Variants in CSGALNACT1 observed in about 807,000 individuals in gnomAD.
CSGALNACT1 encodes beta4GalNAcT-1.
A neutral mutation model predicts 51.0 loss-of-function variants in CSGALNACT1; 52 were observed. That is an observed-to-expected ratio of 1.02 (90% CI 0.82 to 1.29). CSGALNACT1 has a LOEUF of 1.29. CSGALNACT1 is among the 50% of genes most tolerant of loss of function. The probability of loss-of-function intolerance (pLI) is 0.00; values close to 1 mark genes in which losing one functional copy is unlikely to be tolerated. For synonymous variants in CSGALNACT1, 341 were observed against 254.4 expected (o/e 1.34, Z -3.24); for missense variants, 935 against 679.2 (o/e 1.38, Z -4.19).
chr8:19,437,039 A>T (rs1333774674), intron 6 of CSGALNACT1, among the ~76,000 whole-genome samples: 3 of 152,198 alleles, frequency 2.0e-5, no homozygotes, highest in Non-Finnish European at 4.4e-5. Flanking sequence ...TTAAGGAGTC[A>T]TGAGACACAG....
At chr8:19,730,939 G>C (rs2063657543) in intron 1 of CSGALNACT1, among the ~76,000 whole-genome samples, 1 of 152,148 alleles carries the variant, frequency 6.6e-6, no homozygotes, top group Admixed American at 6.5e-5. Flanking sequence ...CATGCCACGA[G>C]GACAGCTGGC....
intron 4 of CSGALNACT1, among the ~76,000 whole-genome samples, chr8:19,461,869 GCGTATCCACACA>G: frequency 6.7e-6 from 1 of 148,512 alleles, no homozygotes; most frequent in African/African-American, 2.4e-5. Context: ...ACCATGGAGG[GCGTATCCACACA>G]GCAGCCACAT....
At chr8:19,621,917 G>A (rs528436778) in intron 1 of CSGALNACT1, among the ~76,000 whole-genome samples, 14 of 152,212 alleles carry the variant, frequency 9.2e-5, no homozygotes, top group African/African-American at 3.4e-4. Context: ...ACAATGTAAT[G>A]CTACAGACAA....
intron 1 of CSGALNACT1, among the ~76,000 whole-genome samples, chr8:19,611,717 T>A (rs2052292724): frequency 6.6e-6 from 1 of 152,288 alleles, no homozygotes; most frequent in African/African-American, 2.4e-5. Flanking sequence ...TTAAAAAGAC[T>A]CTTTCTTCAT....
intron 1 of CSGALNACT1, among the ~76,000 whole-genome samples, chr8:19,638,047 G>A (rs17480748): frequency 0.043 from 6,575 of 152,192 alleles, 230 homozygotes; most frequent in Non-Finnish European, 0.063. Flanking sequence ...AGGAAGTTTC[G>A]ATGAAGGTAT....
At chr8:19,698,747 T>A (rs1425404652) in intron 1 of CSGALNACT1, among the ~76,000 whole-genome samples, 1 of 149,258 alleles carries the variant, frequency 6.7e-6, no homozygotes, top group Non-Finnish European at 1.5e-5. Context: ...GCAGCTGCTA[T>A]GGAAAAGAGA....
intron 1 of CSGALNACT1, among the ~76,000 whole-genome samples, chr8:19,700,111 C>CAA (rs1252529714): frequency 3.4e-5 from 2 of 58,382 alleles, no homozygotes; most frequent in African/African-American, 6.5e-5. Flanking sequence ...GACTCCGTCT[C>CAA]AAAAAAAAAA....
At chr8:19,682,552 G>A (rs989332591) in exon 1 of CSGALNACT1, 41 of 443,184 alleles carry the variant, frequency 9.3e-5, no homozygotes, top group South Asian at 6.4e-4. Flanking sequence ...TTTGCTGTCA[G>A]TACTCTACTC....
intron 1 of CSGALNACT1, among the ~76,000 whole-genome samples, chr8:19,674,823 T>C (rs901360153): frequency 6.6e-6 from 1 of 151,958 alleles, no homozygotes; most frequent in African/African-American, 2.4e-5. Context: ...TGGTTGTAGA[T>C]ATATTTTGAA....
chr8:19,508,551 G>T (rs1044901180), intron 3 of CSGALNACT1, among the ~76,000 whole-genome samples: 1 of 152,146 alleles, frequency 6.6e-6, no homozygotes, highest in Non-Finnish European at 1.5e-5. Flanking sequence ...TTGGTGTTCA[G>T]GCACCTTGCT....
At chr8:19,571,680 G>A (rs1395503768) in intron 3 of CSGALNACT1, among the ~76,000 whole-genome samples, 1 of 152,148 alleles carries the variant, frequency 6.6e-6, no homozygotes, top group African/African-American at 2.4e-5. Flanking sequence ...ACAGAGAAAG[G>A]CATTAGTTTC....
At chr8:19,503,780 G>GT (rs77031912) in intron 4 of CSGALNACT1, among the ~76,000 whole-genome samples, 428 of 138,902 alleles carry the variant, frequency 3.1e-3, no homozygotes, top group East Asian at 8.4e-3. Context: ...ATATGAATGA[G>GT]TTTTTTTTTT....
intron 1 of CSGALNACT1, among the ~76,000 whole-genome samples, chr8:19,654,698 C>T (rs913456411): frequency 2.6e-5 from 4 of 151,986 alleles, no homozygotes; most frequent in Admixed American, 2.0e-4. Flanking sequence ...GCATGCACCA[C>T]ACGCCCAGCT....
At chr8:19,708,319 T>C (rs1344911953) in intron 1 of CSGALNACT1, among the ~76,000 whole-genome samples, 1 of 152,222 alleles carries the variant, frequency 6.6e-6, no homozygotes, top group East Asian at 1.9e-4. Flanking sequence ...TCACCTGGGA[T>C]GCCCATCAGC....
intron 3 of CSGALNACT1, among the ~76,000 whole-genome samples, chr8:19,514,990 T>C (rs991230248): frequency 6.6e-6 from 1 of 152,186 alleles, no homozygotes; most frequent in Non-Finnish European, 1.5e-5. Flanking sequence ...GCTCCAGGTT[T>C]CCAGTAGTTG....
chr8:19,446,980 T>A (rs1270685154), intron 5 of CSGALNACT1, among the ~76,000 whole-genome samples: 1 of 152,204 alleles, frequency 6.6e-6, no homozygotes, highest in African/African-American at 2.4e-5. Context: ...GTATTTCCTA[T>A]CACAAAACAT....
chr8:19,426,221 A>C (rs1035006887), intron 6 of CSGALNACT1, among the ~76,000 whole-genome samples: 2 of 152,184 alleles, frequency 1.3e-5, no homozygotes, highest in Non-Finnish European at 2.9e-5. Context: ...CTGCATGGAG[A>C]TGCCTCCCTG....
At chr8:19,664,088 T>G (rs1401568805) in intron 1 of CSGALNACT1, among the ~76,000 whole-genome samples, 4 of 152,300 alleles carry the variant, frequency 2.6e-5, no homozygotes, top group Non-Finnish European at 5.9e-5. Flanking sequence ...ACACAATGGC[T>G]CGGCCCAGGC....
intron 1 of CSGALNACT1, among the ~76,000 whole-genome samples, chr8:19,749,065 T>G (rs2064868406): frequency 1.3e-5 from 2 of 152,158 alleles, no homozygotes; most frequent in South Asian, 4.1e-4. Context: ...CCAGGGGTGC[T>G]GTTTCCTTAT....
Sources: gnomAD v4.1 joint callset for allele counts (sites outside exome capture counted in the v4.1 genomes callset) on GRCh38, gnomAD v4.1.1 for gene constraint, MANE v1.5 for transcripts, NCBI Gene and HGNC (gene_info 2026-07-23, HGNC 2026-07-21) for gene names.